MYO3B: variants seen among roughly 807,000 people sequenced by gnomAD.
MYO3B encodes myosin-IIIb.
MYO3B carries 156 observed loss-of-function variants against 174.6 expected under a neutral mutation model. That is an observed-to-expected ratio of 0.89 (90% CI 0.78 to 1.02). MYO3B has a LOEUF of 1.02. Ranked by LOEUF, MYO3B falls within the 50% of genes least tolerant of loss-of-function variation. The pLI is 0.00. For synonymous variants in MYO3B, 563 were observed against 569.1 expected, an observed-to-expected ratio of 0.99 and a Z score of 0.15; for missense variants, 1,632 against 1,639.4, an observed-to-expected ratio of 1.00 and a Z score of 0.08.
At chr2:170,194,256 T>C (rs1216667618) in intron 1 of MYO3B, among the ~76,000 whole-genome samples, 4 of 152,186 alleles carry the variant, frequency 2.6e-5, no homozygotes, top group Non-Finnish European at 4.4e-5. Context: ...TGTCATCGCA[T>C]CACTTTGAGA....
chr2:170,479,265 C>T (rs1685524373), intron 25 of MYO3B, among the ~76,000 whole-genome samples: 1 of 149,498 alleles, frequency 6.7e-6, no homozygotes, highest in Non-Finnish European at 1.5e-5. Context: ...GCCTGGGCAA[C>T]AGAGTGAGAC....
chr2:170,617,007 A>G (rs532458932), intron 32 of MYO3B, among the ~76,000 whole-genome samples: 2 of 152,306 alleles, frequency 1.3e-5, no homozygotes, highest in Admixed American at 1.3e-4. Flanking sequence ...TCTACCTCCC[A>G]TCCATATAAC....
intron 7 of MYO3B, among the ~76,000 whole-genome samples, chr2:170,258,900 A>C (rs1328611219): frequency 4.6e-5 from 7 of 152,212 alleles, no homozygotes; most frequent in Admixed American, 1.3e-4. Flanking sequence ...TACAAAAATC[A>C]GTAGTATTTC....
intron 32 of MYO3B, among the ~76,000 whole-genome samples, chr2:170,548,933 A>T (rs956313310): frequency 2.6e-5 from 4 of 152,214 alleles, no homozygotes; most frequent in Non-Finnish European, 4.4e-5. Context: ...ACTTTTTGTG[A>T]CATACTTTTC....
At chr2:170,609,256 C>T (rs893750900) in intron 32 of MYO3B, among the ~76,000 whole-genome samples, 12 of 152,150 alleles carry the variant, frequency 7.9e-5, no homozygotes, top group African/African-American at 2.9e-4. Context: ...CTCTAGCTAA[C>T]ATTAACATAA....
chr2:170,346,260 C>T (rs1382516131), intron 8 of MYO3B: 1 of 152,174 alleles, frequency 6.6e-6, no homozygotes, highest in Non-Finnish European at 1.5e-5. Context: ...TGTGGTCCAA[C>T]ACAAATTTGT....
intron 9 of MYO3B, among the ~76,000 whole-genome samples, chr2:170,377,818 C>A (rs1383347025): frequency 6.6e-6 from 1 of 152,218 alleles, no homozygotes; most frequent in Non-Finnish European, 1.5e-5. Context: ...CAGTGCCTTA[C>A]CACATACTTT....
chr2:170,519,456 A>G lies in MYO3B; in HGVS notation c.3491A>G (p.His1164Arg). 1.9e-6 allele frequency: 3 copies of G among 1,613,772 alleles called. No individual in the cohort carries two copies. Among genetic ancestry groups the G allele is most frequent in the South Asian group, 1.1e-5 (1 of 91,054 alleles). The change falls in exon 30 of 35, where the codon CAT becomes CGT. Residue 1164 changes from histidine to arginine, a missense_variant. Coordinates refer to ENST00000408978, the MANE Select transcript of MYO3B (RefSeq NM_138995.5). ...GDHKVLRGSVHRRSHSQAESN... is the reference protein window; with the variant it reads ...GDHKVLRGSVRRRSHSQAESN... ...CTCTCAGTTCTCAGGGGCTCTGTAC[A>G]TCGTAGGAGCCATTCACAAGCAGAA...
chr2:170,188,408 T>TA (rs755964556), intron 1 of MYO3B, among the ~76,000 whole-genome samples: 17 of 152,278 alleles, frequency 1.1e-4, no homozygotes, highest in East Asian at 1.9e-4. Flanking sequence ...ATTAGGTCAT[T>TA]AAAAAATCTA....
chr2:170,646,423 G>C (rs899733597), intron 32 of MYO3B, among the ~76,000 whole-genome samples: 1 of 151,414 alleles, frequency 6.6e-6, no homozygotes, highest in Non-Finnish European at 1.5e-5. Context: ...GAGACCAAGC[G>C]TCACTCTATT....
chr2:170,516,857 T>C (rs1051406824), intron 29 of MYO3B, among the ~76,000 whole-genome samples: 3 of 152,342 alleles, frequency 2.0e-5, no homozygotes, highest in Non-Finnish European at 2.9e-5. Context: ...ATATTTCTAC[T>C]ATTTAAGTTC....
rs1558941027 is a variant in MYO3B, at chr2:170,379,193, A to AGTTT, written c.972-2823_972-2822insGTTT. ...TAATTATTTCATGAAAATGTGGTACAATTTTTTTTTTTTTTTTTTTGAGAC... is the reference window on the plus strand; with the variant it reads ...TAATTATTTCATGAAAATGTGGTACAGTTTATTTTTTTTTTTTTTTTTTTGAGAC... On this transcript the variant is annotated intron_variant, in intron 9 of 34. Transcript: ENST00000408978. Among the ~76,000 whole-genome samples the AGTTT allele has an allele frequency of 1.5e-5, 2 of 134,636 alleles. 1 individual carries two copies. The allele number at this position is 134,636 out of a possible 152,430, so 88.3% of individuals were successfully genotyped here. A position where few individuals can be genotyped will look rare whatever the true frequency, so the allele number is the denominator to read the frequency against.
chr2:170,280,871 T>C (rs2105392214), intron 7 of MYO3B, among the ~76,000 whole-genome samples: 1 of 152,324 alleles, frequency 6.6e-6, no homozygotes, highest in South Asian at 2.1e-4. Context: ...CTGTTTTGGT[T>C]ACTGTAGCCC....
intron 7 of MYO3B, among the ~76,000 whole-genome samples, chr2:170,298,458 T>C (rs752941069): frequency 1.3e-5 from 2 of 152,014 alleles, no homozygotes; most frequent in Non-Finnish European, 2.9e-5. Flanking sequence ...GGGTGGATCA[T>C]GAGGTCAGGA....
chr2:170,315,504 C>T (rs2093769422), intron 7 of MYO3B, among the ~76,000 whole-genome samples: 2 of 152,178 alleles, frequency 1.3e-5, no homozygotes, highest in South Asian at 4.1e-4. Context: ...TGGGTTTTCA[C>T]CAAGTTGGCC....
intron 7 of MYO3B, among the ~76,000 whole-genome samples, chr2:170,302,931 T>A (rs1290599445): frequency 6.6e-6 from 1 of 152,196 alleles, no homozygotes; most frequent in African/African-American, 2.4e-5. Context: ...TGATTTTTGT[T>A]TTTGTTTTCT....
intron 22 of MYO3B, among the ~76,000 whole-genome samples, chr2:170,419,165 A>T (rs1304504329): frequency 6.6e-6 from 1 of 152,386 alleles, no homozygotes; most frequent in South Asian, 2.1e-4. Flanking sequence ...TTAGTTTGAT[A>T]TGGTGCTGGA....
rs553361530 is a variant in MYO3B at position 170,342,855 on chromosome 2, G to A, written c.815+7405G>A. Among the ~76,000 whole-genome samples, 6 of 152,196 alleles carry A rather than the reference G, an allele frequency of 3.9e-5. No homozygotes were observed. The South Asian group carries it at 1.2e-3, about 32-fold the overall frequency. ...TTGTTCCAGAGTTCACGCTCAACCAGCAGTAGAGGTTATTTTTATTACCCT... is the reference window on the plus strand; with the variant it reads ...TTGTTCCAGAGTTCACGCTCAACCAACAGTAGAGGTTATTTTTATTACCCT... On this transcript the variant is annotated intron_variant, in intron 8 of 34. Coordinates refer to ENST00000408978, the MANE Select transcript of MYO3B (RefSeq NM_138995.5).
intron 22 of MYO3B, among the ~76,000 whole-genome samples, chr2:170,441,995 C>G (rs908222162): frequency 2.6e-5 from 4 of 152,154 alleles, no homozygotes; most frequent in Admixed American, 2.0e-4. Context: ...TTCACCCAGC[C>G]CCTATTCAAG....
Sources: allele counts gnomAD v4.1 joint callset (sites outside exome capture counted in the v4.1 genomes callset), GRCh38; gene constraint gnomAD v4.1.1; transcripts MANE v1.5; gene names NCBI Gene and HGNC (gene_info 2026-07-23, HGNC 2026-07-21).